The following LYST variants were observed in gnomAD, a reference collection of about 807,000 sequenced individuals.
The protein encoded by LYST is lysosomal trafficking regulator, also known as lysosomal-trafficking regulator.
Under a neutral mutation model 413.6 loss-of-function variants are expected in LYST, and 192 were observed. The observed-to-expected ratio is 0.46, with a 90% confidence interval of 0.41 to 0.52. LYST has a LOEUF of 0.52. Among genes scored for constraint, LYST ranks in the 20% least tolerant of loss-of-function variants. The pLI is 0.00. For missense variants in LYST, 3,815 were observed against 4,499.9 expected, an observed-to-expected ratio of 0.85 and a Z score of 4.35; for synonymous variants, 1,525 against 1,567.3, an observed-to-expected ratio of 0.97 and a Z score of 0.64.
chr1:235,738,321 AT>A, intron 31 of LYST: 1 of 1,611,938 alleles, frequency 6.2e-7, no homozygotes. Flanking sequence ...AGCCATCTTA[AT>A]TTGGTCCAGT....
At chr1:235,665,969 C>T (rs1170791410) in intron 50 of LYST, among the ~76,000 whole-genome samples, 1 of 152,066 alleles carries the variant, frequency 6.6e-6, no homozygotes, top group Non-Finnish European at 1.5e-5. Context: ...CATAGTCTCA[C>T]TACATTTAAT....
At chr1:235,845,519 C>T (rs777368553) in intron 1 of LYST, among the ~76,000 whole-genome samples, 4 of 152,120 alleles carry the variant, frequency 2.6e-5, no homozygotes, top group Admixed American at 6.5e-5. Flanking sequence ...AAATCCAGCT[C>T]GCAGACTTCA....
At chr1:235,742,261 C>T (rs1572121116) in intron 30 of LYST, among the ~76,000 whole-genome samples, 1 of 151,970 alleles carries the variant, frequency 6.6e-6, no homozygotes, top group East Asian at 1.9e-4. Context: ...TCAAGACCAA[C>T]CTGGACAACA....
chr1:235,703,442 T>C (rs1321449321), intron 44 of LYST, among the ~76,000 whole-genome samples: 1 of 152,210 alleles, frequency 6.6e-6, no homozygotes, highest in Admixed American at 6.5e-5. Flanking sequence ...ATTATTGTAC[T>C]AATAAAATTA....
chr1:235,780,806 C>T, intron 16 of LYST, 59 bp downstream of exon 16: 3 of 649,126 alleles, frequency 4.6e-6, no homozygotes, highest in Non-Finnish European at 7.5e-6. Context: ...CTATACATTA[C>T]AATAAATATA....
intron 2 of LYST, among the ~76,000 whole-genome samples, chr1:235,833,098 G>A (rs1317187840): frequency 1.3e-5 from 2 of 151,344 alleles, no homozygotes; most frequent in African/African-American, 2.4e-5. Context: ...CTATCTAATT[G>A]TATCAGTTTG....
intron 1 of LYST, among the ~76,000 whole-genome samples, chr1:235,836,695 C>A (rs906710983): frequency 6.6e-6 from 1 of 152,120 alleles, no homozygotes; most frequent in East Asian, 1.9e-4. Flanking sequence ...CCCCTGAAAC[C>A]ATTTCTCCCC....
At chr1:235,840,545 C>T (rs1677096879) in intron 1 of LYST, among the ~76,000 whole-genome samples, 2 of 152,128 alleles carry the variant, frequency 1.3e-5, no homozygotes, top group African/African-American at 4.8e-5. Flanking sequence ...GATCAGAGAA[C>T]CTAATCTGCT....
intron 45 of LYST, among the ~76,000 whole-genome samples, chr1:235,701,025 T>C (rs1486542739): frequency 1.3e-5 from 2 of 152,150 alleles, no homozygotes; most frequent in Non-Finnish European, 2.9e-5. Context: ...TTAGATATAA[T>C]CAGAGCTTTT....
intron 1 of LYST, among the ~76,000 whole-genome samples, chr1:235,882,078 T>TCTCACA (rs71576491): frequency 3.4e-5 from 5 of 145,732 alleles, no homozygotes; most frequent in Admixed American, 2.1e-4. Flanking sequence ...ACTCTTTCTT[T>TCTCACA]CACACACACA....
At chr1:235,706,879 G>T (rs904620598) in intron 44 of LYST, among the ~76,000 whole-genome samples, 3 of 152,108 alleles carry the variant, frequency 2.0e-5, no homozygotes, top group African/African-American at 7.2e-5. Flanking sequence ...GAACTAATGA[G>T]CTTTTTATTT....
At chr1:235,827,630 G>T in intron 3 of LYST, 3 of 984,454 alleles carry the variant, frequency 3.0e-6, no homozygotes, top group Non-Finnish European at 2.4e-6. Flanking sequence ...GTTGATAAAG[G>T]CCTATGTTTT....
At chr1:235,882,068 A>T (rs969193996) in intron 1 of LYST, among the ~76,000 whole-genome samples, 4 of 142,812 alleles carry the variant, frequency 2.8e-5, no homozygotes, top group Admixed American at 1.5e-4. Context: ...ACACACACAC[A>T]CTCTTTCTTT....
chr1:235,672,793 C>CT (rs927812117), intron 50 of LYST, among the ~76,000 whole-genome samples: 1 of 152,180 alleles, frequency 6.6e-6, no homozygotes, highest in Admixed American at 6.5e-5. Flanking sequence ...AAGATATCGG[C>CT]TTATCCCCGT....
At chr1:235,799,012 C>T (rs1229009053) in intron 10 of LYST, among the ~76,000 whole-genome samples, 2 of 152,104 alleles carry the variant, frequency 1.3e-5, no homozygotes, top group African/African-American at 4.8e-5. Flanking sequence ...GGAATTATAT[C>T]CCAATAAACC....
chr1:235,773,251 G>T (rs1668888271), intron 19 of LYST, among the ~76,000 whole-genome samples: 1 of 151,938 alleles, frequency 6.6e-6, no homozygotes, highest in African/African-American at 2.4e-5. Context: ...CCTGGGGGTG[G>T]AGGTTGCAGT....
rs80338660 is a variant in LYST, at chr1:235,766,122, G to C, written c.6078C>G (p.Tyr2026Ter). 5 of 1,613,444 alleles carry C rather than the reference G, an allele frequency of 3.1e-6. No individual in the cohort carries two copies. Among genetic ancestry groups the C allele is most frequent in the Admixed American group, 1.7e-5 (1 of 59,990 alleles). The change falls in exon 21 of 53, where the codon TAC becomes TAG. Residue 2026 changes from tyrosine (Y) to a stop codon, truncating the protein, a stop_gained. Coordinates refer to ENST00000389793, the MANE Select transcript of LYST (RefSeq NM_000081.4). LOFTEE classifies it high-confidence loss of function. ...AGAAGTTCGTGGGATTGTGACAAAC[G>C]TAAGTATTAGTAGGAGGGTGAACTG... ...LLAVHPPTNT[Y>*]VCHNPTNFYF...
At position 235,809,798 on chromosome 1, in the gene LYST, A is replaced by G. The variant is rs748261903; in HGVS notation, c.1020T>C (p.Ser340=). The G allele has an allele frequency of 6.8e-6, 11 of 1,613,922 alleles. No homozygotes were observed. The East Asian group carries it at 2.5e-4, about 36-fold the overall frequency. ...GATTTTCTGGCATCATCTCTGCAGTACTAACATCTACTGACAGAAGATGCA... is the reference window on the plus strand; with the variant it reads ...GATTTTCTGGCATCATCTCTGCAGTGCTAACATCTACTGACAGAAGATGCA... ...TVLHLLSVDV[S]TAEMMPENLR... Residue 340 remains serine (S), a synonymous_variant, in exon 5 of 53, where the codon AGT becomes AGC. Transcript: ENST00000389793. The surrounding 1 kb of genome is among the most constrained non-coding windows in gnomAD (Gnocchi z 4.0).
intron 47 of LYST, among the ~76,000 whole-genome samples, chr1:235,691,127 C>T (rs987758252): frequency 2.6e-5 from 4 of 152,050 alleles, no homozygotes; most frequent in Non-Finnish European, 5.9e-5. Context: ...ACTGTGTTAG[C>T]CAGGATGGTC....
Sources: allele counts gnomAD v4.1 joint callset (sites outside exome capture counted in the v4.1 genomes callset), GRCh38; gene constraint gnomAD v4.1.1; non-coding constraint Gnocchi (gnomAD v3.1); transcripts MANE v1.5; gene names NCBI Gene and HGNC (gene_info 2026-07-23, HGNC 2026-07-21).